The following ANKRD36C variants were observed in gnomAD, a reference collection of about 807,000 sequenced individuals.
ANKRD36C encodes the protein ankyrin repeat domain 36C.
In ANKRD36C, 61 loss-of-function variants were observed where a neutral mutation model predicts 276.4. That is an observed-to-expected ratio of 0.22 (90% CI 0.18 to 0.27). The LOEUF (loss-of-function observed/expected upper bound fraction) is 0.27. Ranked by LOEUF, ANKRD36C falls within the 10% of genes least tolerant of loss-of-function variation. ANKRD36C has a pLI of 1.00. For synonymous variants in ANKRD36C, 483 were observed against 680.1 expected, an observed-to-expected ratio of 0.71 and a Z score of 4.51; for missense variants, 1,447 against 2,032.3, an observed-to-expected ratio of 0.71 and a Z score of 5.54.
chr2:95,882,516 A>G lies in ANKRD36C; in HGVS notation c.3266-19T>C, dbSNP rs764090922. ...GGAGACACTGAAAAGTAAAAGAAATATATAATCCATCATATGTAAATATGA... is the reference window on the plus strand; with the variant it reads ...GGAGACACTGAAAAGTAAAAGAAATGTATAATCCATCATATGTAAATATGA... On this transcript the variant is annotated intron_variant, in intron 54 of 66. Coordinates refer to ENST00000456556, the Ensembl canonical transcript of ANKRD36C. 3.2e-6 allele frequency: 5 copies of G among 1,550,894 alleles called. No homozygotes were observed. In the South Asian group the frequency reaches 4.8e-5, roughly 15 times the overall value.
At position 95,912,214 on chromosome 2, in the gene ANKRD36C, C is replaced by T. The variant is rs748733589; in HGVS notation, c.2653+30G>A. Reference sequence around the variant, plus strand: ...AAGAGAACTTCTTATCTGGACTGCACATGACATTAAATGTGTTTTGCAAAA... The same window carrying T: ...AAGAGAACTTCTTATCTGGACTGCATATGACATTAAATGTGTTTTGCAAAA... On this transcript the variant is annotated intron_variant, in intron 42 of 66. Coordinates refer to ENST00000456556, the Ensembl canonical transcript of ANKRD36C. The T allele has an allele frequency of 1.1e-5, 17 of 1,542,914 alleles. No homozygotes were observed. In the South Asian group the frequency reaches 1.7e-4, roughly 15 times the overall value.
intron 59 of ANKRD36C, 83 bp from the exon 80 acceptor site, chr2:95,867,664 T>C (rs1675710528): frequency 2.6e-6 from 4 of 1,539,936 alleles, no homozygotes; most frequent in Non-Finnish European, 3.5e-6. Flanking sequence ...GAATTGCCCA[T>C]CTGTTTATAT....
intron 65 of ANKRD36C, 72 bp downstream of exon 85, chr2:95,852,054 C>A (rs934772869): frequency 1.4e-6 from 2 of 1,467,578 alleles, no homozygotes; most frequent in Non-Finnish European, 1.9e-6. Context: ...ATAACTGATA[C>A]AATTTTCATA....
intron 42 of ANKRD36C, 130 bp downstream of exon 54, chr2:95,902,756 G>C (rs1482323543): frequency 3.3e-6 from 4 of 1,209,416 alleles, no homozygotes; most frequent in African/African-American, 1.6e-5. Context: ...AAACTTATTT[G>C]AAATGAAGAA....
chr2:95,891,917 C>A, intron 44 of ANKRD36C, 57 bp from the exon 65 acceptor site: 1 of 1,538,246 alleles, frequency 6.5e-7, no homozygotes, highest in Non-Finnish European at 8.8e-7. Context: ...AAATTATCCA[C>A]ACATTCATGC....
At chr2:95,942,488 C>T (rs1323548749) in intron 19 of ANKRD36C, among the ~76,000 whole-genome samples, 3 of 152,420 alleles carry the variant, frequency 2.0e-5, no homozygotes, top group East Asian at 1.9e-4. Context: ...TTAACTTGTA[C>T]GAATGTTTAT....
At chr2:95,923,601 A>G (rs1218957122) in intron 31 of ANKRD36C, 34 bp from the exon 32 acceptor site, 2 of 1,608,790 alleles carry the variant, frequency 1.2e-6, no homozygotes, top group Admixed American at 1.7e-5. Flanking sequence ...ATCAATAAAG[A>G]AAGTATGTTT....
At chr2:95,929,010 G>C (rs1677488437) in intron 26 of ANKRD36C, 62 bp downstream of exon 26, 1 of 1,594,006 alleles carries the variant, frequency 6.3e-7, no homozygotes, top group Non-Finnish European at 8.5e-7. Context: ...GATTTATTTG[G>C]GGAAGGGAAG....
At chr2:95,979,854 G>A (rs894378099) in intron 5 of ANKRD36C, among the ~76,000 whole-genome samples, 6 of 152,036 alleles carry the variant, frequency 3.9e-5, no homozygotes, top group Admixed American at 2.0e-4. Flanking sequence ...ATCAGGTTTT[G>A]AGTGTGGGTG....
At chr2:95,963,958 AATATATATATATAAATAT>A (rs1678518848) in intron 6 of ANKRD36C, among the ~76,000 whole-genome samples, 2 of 63,598 alleles carry the variant, frequency 3.1e-5, no homozygotes, top group Non-Finnish European at 6.1e-5. Flanking sequence ...TATATATATA[AATATATATATATAAATAT>A]ATATATATAT....
intron 3 of ANKRD36C, among the ~76,000 whole-genome samples, chr2:95,986,269 C>A (rs4907226): frequency 0.32 from 48,828 of 151,864 alleles, 9,277 homozygotes; most frequent in East Asian, 0.48. Flanking sequence ...CCCTCTTAAG[C>A]CTTTCCACAG....
intron 6 of ANKRD36C, among the ~76,000 whole-genome samples, chr2:95,972,423 A>G (rs1678718024): frequency 6.6e-6 from 1 of 152,360 alleles, no homozygotes; most frequent in East Asian, 1.9e-4. Context: ...GGAATTCAGC[A>G]CATCCTGGTA....
intron 58 of ANKRD36C, among the ~76,000 whole-genome samples, chr2:95,878,848 T>G (rs1371697399): frequency 6.6e-6 from 1 of 152,104 alleles, no homozygotes; most frequent in Non-Finnish European, 1.5e-5. Context: ...AGAACCCTCG[T>G]ACACCATTGG....
In ANKRD36C at chr2:95,890,064, T is replaced by C. The variant is rs1676302650; in HGVS notation, c.2858-70A>G. On this transcript the variant is annotated intron_variant, in intron 46 of 66. Transcript: ENST00000456556. Reference sequence around the variant, plus strand: ...TAAAGTTATTCATACATTCATACAGTGTTAGCATCAATCTCTGTCCTCCTG... The same window carrying C: ...TAAAGTTATTCATACATTCATACAGCGTTAGCATCAATCTCTGTCCTCCTG... The C allele has an allele frequency of 1.9e-6, 3 of 1,546,528 alleles. No homozygotes were observed. In the South Asian group the frequency reaches 3.4e-5, roughly 17 times the overall value.
chr2:95,865,704 G>A (rs1675670619), intron 60 of ANKRD36C, among the ~76,000 whole-genome samples: 1 of 152,044 alleles, frequency 6.6e-6, no homozygotes, highest in Non-Finnish European at 1.5e-5. Flanking sequence ...TATACATGAG[G>A]TCGGATGTAG....
chr2:95,887,139 A>T (rs2104338195), intron 50 of ANKRD36C, among the ~76,000 whole-genome samples: 1 of 151,762 alleles, frequency 6.6e-6, no homozygotes, highest in Non-Finnish European at 1.5e-5. Context: ...ATATTCATTA[A>T]ATACCTATTT....
intron 13 of ANKRD36C, among the ~76,000 whole-genome samples, chr2:95,956,534 T>C (rs1398744440): frequency 6.6e-6 from 1 of 152,232 alleles, no homozygotes; most frequent in Admixed American, 6.5e-5. Flanking sequence ...GGTCAAATCA[T>C]GGGTTGGCTA....
chr2:95,882,650 A>G (rs1180626873), intron 54 of ANKRD36C, among the ~76,000 whole-genome samples, 153 bp from the exon 75 acceptor site: 1 of 152,170 alleles, frequency 6.6e-6, no homozygotes, highest in African/African-American at 2.4e-5. Context: ...CAGGAACATG[A>G]GGAAATACAC....
At chr2:95,943,444 AC>A (rs1304882455) in intron 19 of ANKRD36C, among the ~76,000 whole-genome samples, 1 of 151,252 alleles carries the variant, frequency 6.6e-6, no homozygotes, top group Admixed American at 6.6e-5. Flanking sequence ...GAGATCGCCC[AC>A]TGCCCTCCAG....
Sources: gnomAD v4.1 joint callset for allele counts (sites outside exome capture counted in the v4.1 genomes callset) on GRCh38, gnomAD v4.1.1 for gene constraint, MANE v1.5 for transcripts, NCBI Gene and HGNC (gene_info 2026-07-23, HGNC 2026-07-21) for gene names.